The following LIMCH1 variants were observed in gnomAD, a reference collection of about 807,000 sequenced individuals.
The protein encoded by LIMCH1 is LIM and calponin homology domains-containing protein 1.
Under a neutral mutation model 176.5 loss-of-function variants are expected in LIMCH1, and 113 were observed. The ratio of observed to expected loss-of-function variants is 0.64; its 90% CI spans 0.55 to 0.75. The LOEUF (loss-of-function observed/expected upper bound fraction) is 0.75. Among genes scored for constraint, LIMCH1 ranks in the 30% least tolerant of loss-of-function variants. LIMCH1 has a pLI of 0.00. For missense variants in LIMCH1, 1,674 were observed against 1,814.9 expected, an observed-to-expected ratio of 0.92 and a Z score of 1.41; for synonymous variants, 619 against 645.9, an observed-to-expected ratio of 0.96 and a Z score of 0.63.
At chr4:41,394,485 A>G (rs568365720) in intron 1 of LIMCH1, among the ~76,000 whole-genome samples, 6 of 152,184 alleles carry the variant, frequency 3.9e-5, no homozygotes, top group African/African-American at 1.4e-4. Flanking sequence ...ACTTCTCTGC[A>G]AGCTGTAAAA....
chr4:41,624,253 G>C (rs1337531653), intron 7 of LIMCH1, among the ~76,000 whole-genome samples: 1 of 152,034 alleles, frequency 6.6e-6, no homozygotes, highest in East Asian at 1.9e-4. Flanking sequence ...CTAGTCTGTG[G>C]ATCTTCTCAA....
At chr4:41,535,017 C>T (rs889394743), upstream of LIMCH1, among the ~76,000 whole-genome samples, 1 of 151,702 alleles carries the variant, frequency 6.6e-6, no homozygotes, top group African/African-American at 2.4e-5. Context: ...AAAAAATTAG[C>T]CAGGCATGGT....
At chr4:41,490,753 C>G (rs560230207) in intron 1 of LIMCH1, among the ~76,000 whole-genome samples, 1 of 152,206 alleles carries the variant, frequency 6.6e-6, no homozygotes, top group Admixed American at 6.5e-5. Context: ...TTGACAAAAC[C>G]GCCATCGTTA....
intron 7 of LIMCH1, among the ~76,000 whole-genome samples, chr4:41,621,128 T>C (rs2092546325): frequency 6.6e-6 from 1 of 152,214 alleles, no homozygotes; most frequent in South Asian, 2.1e-4. Flanking sequence ...AGTGGCTGGC[T>C]TACAAAATCC....
intron 1 of LIMCH1, among the ~76,000 whole-genome samples, chr4:41,596,038 G>C: frequency 7.8e-6 from 1 of 128,540 alleles, no homozygotes; most frequent in East Asian, 2.0e-4. Flanking sequence ...GACAGAGTGA[G>C]ACTCCATCTC....
chr4:41,626,924 T>C lies in LIMCH1; in HGVS notation c.942T>C (p.Pro314=). Reference sequence around the variant, plus strand: ...CATTAAATCAACTCCTCTATGGCCCTTATCCAAAGAAAGGGGCAGAGAAAT... The same window carrying C: ...CATTAAATCAACTCCTCTATGGCCCCTATCCAAAGAAAGGGGCAGAGAAAT... ...MVPLNQLLYG[P]YPKKGAEKSD... The change falls in exon 8 of 32, where the codon CCT becomes CCC. Residue 314 remains proline, a synonymous_variant. Coordinates refer to ENST00000503057, the MANE Select transcript of LIMCH1 (RefSeq NM_001330672.2). The C allele has an allele frequency of 6.5e-7, 1 of 1,535,942 alleles. No homozygotes were observed. Among genetic ancestry groups the C allele is most frequent in the Non-Finnish European group, 8.7e-7 (1 of 1,146,878 alleles).
intron 3 of LIMCH1, among the ~76,000 whole-genome samples, chr4:41,605,459 T>C (rs2152768967): frequency 6.6e-6 from 1 of 152,360 alleles, no homozygotes; most frequent in Admixed American, 6.5e-5. Flanking sequence ...GCGGAACCTC[T>C]GTGCCCACAA....
chr4:41,470,757 C>G (rs1044858762), intron 1 of LIMCH1, among the ~76,000 whole-genome samples: 1 of 152,024 alleles, frequency 6.6e-6, no homozygotes, highest in Non-Finnish European at 1.5e-5. Context: ...TTGGCTGGCC[C>G]TAGGATTCAG....
chr4:41,438,107 G>A (rs1443802305), intron 1 of LIMCH1, among the ~76,000 whole-genome samples: 6 of 152,042 alleles, frequency 3.9e-5, no homozygotes, highest in Non-Finnish European at 7.4e-5. Flanking sequence ...CATAGCTGTG[G>A]AACAAACCAC....
At chr4:41,378,086 C>CA (rs1219124234) in intron 1 of LIMCH1, among the ~76,000 whole-genome samples, 5 of 152,180 alleles carry the variant, frequency 3.3e-5, no homozygotes, top group African/African-American at 1.2e-4. Context: ...GGAGAGGTGA[C>CA]AGCAATGGCT....
intron 23 of LIMCH1, among the ~76,000 whole-genome samples, chr4:41,677,820 C>T (rs1041007710): frequency 3.3e-5 from 5 of 151,954 alleles, no homozygotes; most frequent in African/African-American, 1.2e-4. Flanking sequence ...TACATTCCCA[C>T]TAGTACTGAT....
At position 41,494,682 on chromosome 4, in the gene LIMCH1, T is replaced by C. The variant is rs973712322; in HGVS notation, c.167+76T>C. The C allele has an allele frequency of 9.6e-6, 9 of 942,094 alleles. No individual in the cohort carries two copies. In the Admixed American group the frequency reaches 1.9e-4, roughly 20 times the overall value. 58.4% of individuals were successfully genotyped at this position (942,094 alleles called of 1,614,324 possible). On this transcript the variant is annotated intron_variant, in intron 2 of 26. Coordinates refer to the LIMCH1 transcript ENST00000313860. Reference sequence around the variant, plus strand: ...CTATCCAGTTTGGCTGTAAGACTTCTAGTGTTTTGTTTTGAATTTATTCAC... The same window carrying C: ...CTATCCAGTTTGGCTGTAAGACTTCCAGTGTTTTGTTTTGAATTTATTCAC...
intron 2 of LIMCH1, among the ~76,000 whole-genome samples, chr4:41,516,942 G>C (rs986351060): frequency 6.6e-6 from 1 of 152,134 alleles, no homozygotes. Context: ...TTGGAGAAAG[G>C]CCTCCTGCAG....
At chr4:41,455,454 G>A (rs553739592) in intron 1 of LIMCH1, among the ~76,000 whole-genome samples, 2 of 152,118 alleles carry the variant, frequency 1.3e-5, no homozygotes, top group South Asian at 2.1e-4. Context: ...TGAAGAGGAC[G>A]CTGCTTTCAT....
At position 41,613,044 on chromosome 4, in the gene LIMCH1, AG is replaced by A. The variant is rs745946214; in HGVS notation, c.10-418del. ...GGAGCAAAAGTTGCACAGCTAAACC[AG>A]GGGCTCATTCCCAGGACAGACATGC... On this transcript the variant is annotated intron_variant, in intron 4 of 31. Transcript: ENST00000503057. The A allele has an allele frequency of 2.6e-6, 4 of 1,552,128 alleles. No homozygotes were observed. In the African/African-American group the frequency reaches 5.5e-5, roughly 21 times the overall value.
At chr4:41,612,304 T>A in intron 4 of LIMCH1, 3 of 512,266 alleles carry the variant, frequency 5.9e-6, no homozygotes, top group Non-Finnish European at 1.0e-5. Context: ...CTAGACAGTT[T>A]AGACCAGTTT....
At chr4:41,528,809 C>T (rs1206627933) in intron 3 of LIMCH1, among the ~76,000 whole-genome samples, 1 of 152,176 alleles carries the variant, frequency 6.6e-6, no homozygotes, top group Admixed American at 6.5e-5. Flanking sequence ...ATAGCAATAT[C>T]AAATTATAAA....
At chr4:41,530,124 C>T (rs947747855) in intron 3 of LIMCH1, among the ~76,000 whole-genome samples, 5 of 152,150 alleles carry the variant, frequency 3.3e-5, no homozygotes, top group South Asian at 2.1e-4. Context: ...GCCATTTCAT[C>T]GAGTGAGATC....
intron 1 of LIMCH1, among the ~76,000 whole-genome samples, chr4:41,373,187 A>T (rs140240133): frequency 1.3e-5 from 2 of 152,334 alleles, no homozygotes; most frequent in Non-Finnish European, 2.9e-5. Context: ...AGCCTCTCTG[A>T]GGAAGTGCTA....
Sources: gnomAD v4.1 joint callset for allele counts (sites outside exome capture counted in the v4.1 genomes callset) on GRCh38, gnomAD v4.1.1 for gene constraint, MANE v1.5 for transcripts, NCBI Gene and HGNC (gene_info 2026-07-23, HGNC 2026-07-21) for gene names.